Variants in CFTR observed in about 807,000 individuals in gnomAD.
CFTR encodes CF transmembrane conductance regulator, also known as cystic fibrosis transmembrane conductance regulator.
In CFTR, 181 loss-of-function variants were observed where a neutral mutation model predicts 171.6. That is an observed-to-expected ratio of 1.05 (90% confidence interval 0.93 to 1.19). The LOEUF is 1.19. CFTR is among the 50% of genes most tolerant of loss of function. CFTR has a pLI of 0.00. For synonymous variants in CFTR, 583 were observed against 608.0 expected (o/e 0.96, Z 0.60); for missense variants, 1,968 against 1,734.7 (o/e 1.13, Z -2.39).
Position 117,612,087 on chromosome 7 carries a change from AG to A in CFTR, c.3367+280del, listed in dbSNP as rs1414376718. On this transcript the variant is annotated intron_variant, in intron 20 of 26. Transcript: ENST00000003084. ...TATATAGTATTATCCCTGTTTTCACAGTTTTAAAAACCGATGCACACAGATT... is the reference window on the plus strand; with the variant it reads ...TATATAGTATTATCCCTGTTTTCACATTTTAAAAACCGATGCACACAGATT... Among the ~76,000 whole-genome samples, 73 of 138,280 alleles carry A rather than the reference AG, an allele frequency of 5.3e-4. 1 individual carries two copies. Among genetic ancestry groups the A allele is most frequent in the Non-Finnish European group, 9.6e-4 (62 of 64,546 alleles). 90.7% of individuals were successfully genotyped at this position (138,280 alleles called of 152,430 possible).
chr7:117,518,961 C>G (rs1798643467), intron 3 of CFTR, among the ~76,000 whole-genome samples: 1 of 151,960 alleles, frequency 6.6e-6, no homozygotes, highest in Admixed American at 6.6e-5. Context: ...GTTATCTGAA[C>G]CAAACCTATT....
intron 1 of CFTR, among the ~76,000 whole-genome samples, chr7:117,482,988 G>A (rs1798020770): frequency 6.6e-6 from 1 of 152,220 alleles, no homozygotes; most frequent in Non-Finnish European, 1.5e-5. Context: ...AAACTCTGCA[G>A]TTAGTCTCAA....
chr7:117,521,545 A>G (rs1474223429), intron 3 of CFTR, among the ~76,000 whole-genome samples: 1 of 152,106 alleles, frequency 6.6e-6, no homozygotes, highest in African/African-American at 2.4e-5. Context: ...TACTGAGATA[A>G]TCATAGGTTC....
At chr7:117,546,058 A>G (rs1259585439) in intron 9 of CFTR, among the ~76,000 whole-genome samples, 1 of 151,812 alleles carries the variant, frequency 6.6e-6, no homozygotes, top group Non-Finnish European at 1.5e-5. Context: ...CAGTGGTGCG[A>G]TCTTGGCTCA....
At chr7:117,630,927 G>T (rs968666275) in intron 22 of CFTR, among the ~76,000 whole-genome samples, 1 of 152,320 alleles carries the variant, frequency 6.6e-6, no homozygotes, top group Non-Finnish European at 1.5e-5. Context: ...GTTCAGTCAG[G>T]TTGGGGGATG....
intron 6 of CFTR, among the ~76,000 whole-genome samples, chr7:117,535,909 A>C (rs1009084555): frequency 6.6e-6 from 1 of 152,156 alleles, no homozygotes; most frequent in South Asian, 2.1e-4. Flanking sequence ...CAGTCTCTAG[A>C]ATTTCTTTAT....
chr7:117,665,618 C>T, intron 26 of CFTR, 54 bp downstream of exon 26: 1 of 1,103,472 alleles, frequency 9.1e-7, no homozygotes, highest in Non-Finnish European at 1.4e-6. Flanking sequence ...TTCTTGATAA[C>T]AATCTCACAT....
chr7:117,536,899 A>G (rs1485541138), intron 7 of CFTR, among the ~76,000 whole-genome samples: 2 of 152,196 alleles, frequency 1.3e-5, no homozygotes, highest in Non-Finnish European at 2.9e-5. Flanking sequence ...AGTATATTAT[A>G]CTGATACGTT....
chr7:117,600,799 A>G (rs1792211468), intron 15 of CFTR, among the ~76,000 whole-genome samples: 1 of 152,096 alleles, frequency 6.6e-6, no homozygotes, highest in Admixed American at 6.6e-5. Flanking sequence ...CTGTCACTCT[A>G]TCATAAACTG....
At chr7:117,584,485 T>TA (rs1791899511) in intron 11 of CFTR, among the ~76,000 whole-genome samples, 1 of 152,300 alleles carries the variant, frequency 6.6e-6, no homozygotes, top group East Asian at 1.9e-4. Flanking sequence ...TGACTTTAAG[T>TA]ATTTGGCTTT....
At chr7:117,621,362 A>G (rs1050800197) in intron 21 of CFTR, among the ~76,000 whole-genome samples, 1 of 152,112 alleles carries the variant, frequency 6.6e-6, no homozygotes, top group Non-Finnish European at 1.5e-5. Flanking sequence ...GATAGTAAAT[A>G]TTTTCAGCTT....
At chr7:117,550,075 C>G (rs1157844627) in intron 10 of CFTR, among the ~76,000 whole-genome samples, 1 of 152,132 alleles carries the variant, frequency 6.6e-6, no homozygotes, top group Non-Finnish European at 1.5e-5. Flanking sequence ...GTGGCTCACA[C>G]TTGTAATCCT....
At chr7:117,578,810 A>G (rs1584806603) in intron 11 of CFTR, among the ~76,000 whole-genome samples, 3 of 152,266 alleles carry the variant, frequency 2.0e-5, no homozygotes, top group Admixed American at 2.0e-4. Flanking sequence ...TAACACAACC[A>G]AATAGCCAAA....
At chr7:117,630,309 C>CAGTT (rs1792722025) in intron 22 of CFTR, among the ~76,000 whole-genome samples, 1 of 152,172 alleles carries the variant, frequency 6.6e-6, no homozygotes, top group African/African-American at 2.4e-5. Flanking sequence ...GAGGAGGAAG[C>CAGTT]AGTTAGTATC....
chr7:117,486,893 C>T (rs112879917), intron 1 of CFTR, among the ~76,000 whole-genome samples: 20 of 14,386 alleles, frequency 1.4e-3, no homozygotes, highest in African/African-American at 5.5e-3. Flanking sequence ...GGGGAGGGGG[C>T]GGGGAGAGAG....
rs1251499830 is a variant in CFTR, at chr7:117,664,706, A to G, written c.3982A>G (p.Ile1328Val). 1.2e-6 allele frequency: 2 copies of G among 1,613,958 alleles called. No homozygotes were observed. Among genetic ancestry groups the G allele is most frequent in the South Asian group, 1.1e-5 (1 of 91,084 alleles). Residue 1328 changes from isoleucine to valine, a missense_variant, in exon 25 of 27, where the codon ATA (isoleucine) becomes GTA (valine). Physicochemically the swap from Ile to Val is conservative, Grantham distance 29. Transcript: ENST00000003084. ...VADEVGLRSV[I>V]EQFPGKLDFV... is the part of the protein sequence containing the mutation. ...ACTGCAGGTTGGGCTCAGATCTGTG[A>G]TAGAACAGTTTCCTGGGAAGCTTGA...
intron 24 of CFTR, among the ~76,000 whole-genome samples, chr7:117,663,710 A>G (rs1290129451): frequency 6.6e-6 from 1 of 152,168 alleles, no homozygotes; most frequent in Non-Finnish European, 1.5e-5. Flanking sequence ...ATTCTATATT[A>G]CAGTCAGGTG....
chr7:117,562,704 G>A (rs1348898388), intron 11 of CFTR, among the ~76,000 whole-genome samples: 1 of 152,186 alleles, frequency 6.6e-6, no homozygotes, highest in African/African-American at 2.4e-5. Flanking sequence ...TTGGGGGAAA[G>A]AGACCATTTC....
intron 21 of CFTR, among the ~76,000 whole-genome samples, chr7:117,625,520 G>A (rs982758875): frequency 2.0e-5 from 3 of 152,118 alleles, no homozygotes; most frequent in East Asian, 1.9e-4. Flanking sequence ...GATAGCAACA[G>A]TTAAATGTTT....
Sources: gnomAD v4.1 joint callset for allele counts (sites outside exome capture counted in the v4.1 genomes callset) on GRCh38, gnomAD v4.1.1 for gene constraint, MANE v1.5 for transcripts, NCBI Gene and HGNC (gene_info 2026-07-23, HGNC 2026-07-21) for gene names.